Variants in UST observed in about 807,000 individuals in gnomAD.
The protein encoded by UST is chondroitin sulfate 2-O-sulfotransferase.
In UST, 21 loss-of-function variants were observed where a neutral mutation model predicts 45.6. The ratio of observed to expected loss-of-function variants is 0.46; its 90% confidence interval spans 0.33 to 0.66. The LOEUF is 0.66. Among genes scored for constraint, UST ranks in the 30% least tolerant of loss-of-function variants. The pLI is 0.02. For synonymous variants in UST, 215 were observed against 200.6 expected (o/e 1.07, Z -0.61); for missense variants, 463 against 512.4 (o/e 0.90, Z 0.93).
chr6:148,966,767 T>C (rs997347122), intron 5 of UST, among the ~76,000 whole-genome samples: 2 of 152,208 alleles, frequency 1.3e-5, no homozygotes, highest in Non-Finnish European at 2.9e-5. Context: ...GACACAGTCT[T>C]GCTCTGTTGC....
rs573008878 is a variant in UST at position 148,770,314 on chromosome 6, G to T, written c.247+22637G>T. On this transcript the variant is annotated intron_variant, in intron 1 of 7. Transcript: ENST00000367463. Reference sequence around the variant, plus strand: ...TGAAGCATAAATAGGCATTTTCTATGTAAAGATGTGGGAAAAGGGCATTCT... The same window carrying T: ...TGAAGCATAAATAGGCATTTTCTATTTAAAGATGTGGGAAAAGGGCATTCT... 2.0e-5 allele frequency among the ~76,000 whole-genome samples: 3 copies of T among 150,750 alleles called. No individual in the cohort carries two copies. The Admixed American group carries it at 2.0e-4, about 10-fold the overall frequency.
intron 1 of UST, among the ~76,000 whole-genome samples, chr6:148,780,316 T>C (rs1776619914): frequency 6.6e-6 from 1 of 152,156 alleles, no homozygotes; most frequent in South Asian, 2.1e-4. Context: ...CAGAGGTACA[T>C]GTGCAGGTTT....
chr6:148,835,049 C>T (rs952485144), intron 1 of UST, among the ~76,000 whole-genome samples: 2 of 152,094 alleles, frequency 1.3e-5, no homozygotes, highest in Non-Finnish European at 2.9e-5. Flanking sequence ...ATGTTATGAT[C>T]CCTATGCAAT....
At chr6:148,937,970 T>G (rs985926505) in intron 2 of UST, among the ~76,000 whole-genome samples, 5 of 152,210 alleles carry the variant, frequency 3.3e-5, no homozygotes, top group African/African-American at 1.2e-4. Flanking sequence ...GATCATAACC[T>G]TGTAGCCAAG....
intron 2 of UST, among the ~76,000 whole-genome samples, chr6:148,893,282 A>C (rs1779054641): frequency 1.3e-5 from 2 of 152,238 alleles, no homozygotes; most frequent in Non-Finnish European, 2.9e-5. Context: ...CAAATGAATG[A>C]GAAGTAGTAA....
chr6:149,005,433 A>G, intron 5 of UST: 1 of 985,438 alleles, frequency 1.0e-6, no homozygotes, highest in African/African-American at 1.7e-5. Context: ...GAGAAGAAAA[A>G]GGGCATGCAA....
intron 2 of UST, among the ~76,000 whole-genome samples, chr6:148,931,040 C>A (rs1346280065): frequency 6.6e-6 from 1 of 152,194 alleles, no homozygotes; most frequent in East Asian, 1.9e-4. Flanking sequence ...GTTTCCCCAG[C>A]CTTTATACTA....
chr6:149,004,696 G>A (rs1781613113), intron 5 of UST, among the ~76,000 whole-genome samples: 2 of 152,190 alleles, frequency 1.3e-5, no homozygotes, highest in Non-Finnish European at 2.9e-5. Flanking sequence ...TTGTAAGACA[G>A]AGGCTCAGAT....
At chr6:148,853,611 T>C (rs1778147843) in intron 1 of UST, among the ~76,000 whole-genome samples, 1 of 152,236 alleles carries the variant, frequency 6.6e-6, no homozygotes, top group African/African-American at 2.4e-5. Context: ...CTCTGCAACC[T>C]CACCGGCATC....
chr6:148,925,265 C>A (rs991240788), intron 2 of UST, among the ~76,000 whole-genome samples: 10 of 152,152 alleles, frequency 6.6e-5, no homozygotes, highest in Non-Finnish European at 4.4e-5. Context: ...AGGACAGCAA[C>A]GGTCTGAGGG....
Position 149,056,117 on chromosome 6 carries a change from C to CTTT in UST, c.938-17692_938-17690dup, listed in dbSNP as rs34191810. 5.8e-3 allele frequency among the ~76,000 whole-genome samples: 466 copies of CTTT among 80,994 alleles called. 1 individual carries two copies. Among genetic ancestry groups the CTTT allele is most frequent in the Non-Finnish European group, 7.1e-3 (304 of 43,078 alleles). 53.1% of individuals were successfully genotyped at this position (80,994 alleles called of 152,430 possible). A position where few individuals can be genotyped will look rare whatever the true frequency, so the allele number is the denominator to read the frequency against. ...TGTTACTCTGCTTTTCTTTTCTTTTCTTTTTTTTTTTTTTTTTTTTTTTTT... is the reference window on the plus strand; with the variant it reads ...TGTTACTCTGCTTTTCTTTTCTTTTCTTTTTTTTTTTTTTTTTTTTTTTTTTTT... On this transcript the variant is annotated intron_variant, in intron 7 of 7. Coordinates refer to ENST00000367463, the MANE Select transcript of UST (RefSeq NM_005715.3).
At chr6:148,798,460 G>A (rs925998230) in intron 1 of UST, among the ~76,000 whole-genome samples, 19 of 152,148 alleles carry the variant, frequency 1.2e-4, no homozygotes, top group African/African-American at 4.1e-4. Context: ...TACAGATCAC[G>A]CTCTCAGGAG....
chr6:148,806,462 T>C (rs6900514), intron 1 of UST, among the ~76,000 whole-genome samples: 122,274 of 151,730 alleles, frequency 0.81, 49,761 homozygotes, highest in East Asian at 1. Flanking sequence ...CCTCAGCCTC[T>C]CAAGTAGCTG....
At chr6:148,887,604 G>A (rs1353858831) in intron 2 of UST, among the ~76,000 whole-genome samples, 2 of 152,222 alleles carry the variant, frequency 1.3e-5, no homozygotes, top group African/African-American at 2.4e-5. Context: ...AATGAAAACC[G>A]AATGCTAATC....
intron 7 of UST, among the ~76,000 whole-genome samples, chr6:149,036,032 G>A (rs757631691): frequency 7.2e-5 from 11 of 152,204 alleles, no homozygotes; most frequent in Non-Finnish European, 1.5e-4. Context: ...GGGAACAGGC[G>A]CTGAAGGTTC....
At chr6:148,923,984 T>C (rs916629717) in intron 2 of UST, among the ~76,000 whole-genome samples, 4 of 152,182 alleles carry the variant, frequency 2.6e-5, no homozygotes, top group African/African-American at 9.6e-5. Context: ...AGCCCTCTTA[T>C]GGTATTGTGA....
At chr6:148,883,036 C>T (rs767954091) in intron 1 of UST, among the ~76,000 whole-genome samples, 13 of 152,172 alleles carry the variant, frequency 8.5e-5, no homozygotes, top group East Asian at 1.9e-4. Flanking sequence ...CATGCGTATC[C>T]GCGCATCTCA....
At chr6:149,043,021 T>TTTTCTTTTTC (rs1776345236) in intron 7 of UST, among the ~76,000 whole-genome samples, 1 of 118,224 alleles carries the variant, frequency 8.5e-6, no homozygotes, top group Non-Finnish European at 1.7e-5. Context: ...CTTTCTTTCT[T>TTTTCTTTTTC]TTTCTTTCTT....
intron 1 of UST, among the ~76,000 whole-genome samples, chr6:148,762,025 C>T (rs1776233090): frequency 6.6e-6 from 1 of 152,170 alleles, no homozygotes. Context: ...TTGAGGCCAC[C>T]TTGTTTTCTT....
Sources: allele counts gnomAD v4.1 joint callset (sites outside exome capture counted in the v4.1 genomes callset), GRCh38; gene constraint gnomAD v4.1.1; transcripts MANE v1.5; gene names NCBI Gene and HGNC (gene_info 2026-07-23, HGNC 2026-07-21).